NAGK: variants seen among roughly 807,000 people sequenced by gnomAD.
NAGK encodes N-acetyl-D-glucosamine kinase.
In NAGK, 35 loss-of-function variants were observed where a neutral mutation model predicts 42.9. That is an observed-to-expected ratio of 0.82 (90% confidence interval 0.62 to 1.08). The LOEUF is 1.08. Among genes scored for constraint, NAGK ranks in the 50% least tolerant of loss-of-function variants. NAGK has a pLI of 0.00. For synonymous variants in NAGK, 172 were observed against 176.0 expected, an observed-to-expected ratio of 0.98 and a Z score of 0.18; for missense variants, 446 against 446.0, an observed-to-expected ratio of 1.00 and a Z score of 0.00.
intron 7 of NAGK, 36 bp from the exon 8 acceptor site, chr2:71,076,568 C>G: frequency 2.0e-6 from 3 of 1,529,894 alleles, no homozygotes; most frequent in Non-Finnish European, 2.7e-6. Flanking sequence ...TCCCTCCTTT[C>G]TCACCAGTTT....
intron 1 of NAGK, chr2:71,069,516 G>T (rs572792893): frequency 6.6e-6 from 1 of 151,850 alleles, no homozygotes; most frequent in Non-Finnish European, 1.5e-5. Context: ...ACACCCCACT[G>T]CTGATTCACA....
At chr2:71,078,296 GT>G (rs770185281) in intron 9 of NAGK, 21 bp from the exon 10 acceptor site, 3 of 1,611,132 alleles carry the variant, frequency 1.9e-6, no homozygotes, top group Admixed American at 1.7e-5. Context: ...TCTTATCTCT[GT>G]CCTTGTGTTC....
At position 71,077,647 on chromosome 2, in the gene NAGK, G is replaced by T; in HGVS notation, c.844+11G>T. The T allele has an allele frequency of 1.3e-6, 2 of 1,598,388 alleles. No homozygotes were observed. The highest frequency in any genetic ancestry group is 1.7e-6 in the Non-Finnish European group (2 of 1,172,414). On this transcript the variant is annotated intron_variant, in intron 9 of 9. Coordinates refer to ENST00000244204, the MANE Select transcript of NAGK (RefSeq NM_017567.6). ...AGCTGCTGAAGGAAGGTGAGCCTGG[G>T]GGGAGGCTGGAAGGGCAAGGGCAGG...
intron 8 of NAGK, 154 bp from the exon 9 acceptor site, chr2:71,077,404 C>T: frequency 4.5e-6 from 3 of 672,032 alleles, no homozygotes; most frequent in South Asian, 3.9e-5. Flanking sequence ...TCCTATTTTC[C>T]TCCCTTTTTT....
At chr2:71,071,642 G>A in intron 3 of NAGK, 44 bp from the exon 4 acceptor site, 1 of 1,571,136 alleles carries the variant, frequency 6.4e-7, no homozygotes, top group South Asian at 1.1e-5. Flanking sequence ...GAAAAGAGCT[G>A]GGGCTGGGGC....
Position 71,078,791 on chromosome 2 carries a change from C to T in NAGK, c.*283C>T, listed in dbSNP as rs1449906403. On this transcript the variant is annotated 3_prime_UTR_variant, in exon 10 of 10. Coordinates refer to ENST00000244204, the MANE Select transcript of NAGK (RefSeq NM_017567.6). ...GTGATCTGTATCCACTCAGCATGCA[C>T]TTGGGCAGATGATTTGTCTGTGTGC... is the stretch of plus-strand genomic sequence containing the variant. 1 of 351,810 alleles carries T rather than the reference C, an allele frequency of 2.8e-6. No homozygotes were observed. Among genetic ancestry groups the T allele is most frequent in the Non-Finnish European group, 5.2e-6 (1 of 191,808 alleles). 21.8% of individuals were successfully genotyped at this position (351,810 alleles called of 1,614,324 possible).
At chr2:71,075,986 A>T (rs992887869) in intron 7 of NAGK, 1 of 319,424 alleles carries the variant, frequency 3.1e-6, no homozygotes, top group Non-Finnish European at 5.9e-6. Context: ...CTAGGGGATT[A>T]TAGAGAGGTT....
upstream of NAGK, chr2:71,068,489 G>T: frequency 7.1e-7 from 1 of 1,417,936 alleles, no homozygotes; most frequent in South Asian, 1.5e-5. Context: ...ACACCAGAAG[G>T]AAGACAGCCT....
At position 71,073,565 on chromosome 2, in the gene NAGK, G is replaced by C; in HGVS notation, c.550G>C (p.Val184Leu). 2 of 1,613,886 alleles carry C rather than the reference G, an allele frequency of 1.2e-6. No individual in the cohort carries two copies. Among genetic ancestry groups the C allele is most frequent in the African/African-American group, 1.3e-5 (1 of 75,000 alleles). Reference protein sequence around the residue: ...LEAAPHDIGYVKQAMFHYFQV... With the variant: ...LEAAPHDIGYLKQAMFHYFQV... ...GGCGGCTCCTCATGATATCGGCTAC[G>C]TCAAACAGGCCATGTTCCACTATTT... The change falls in exon 6 of 10, where the codon GTC becomes CTC. Residue 184 changes from valine to leucine, a missense_variant. By Grantham distance (32) the Val-to-Leu change is conservative. Transcript: ENST00000244204.
At chr2:71,076,457 C>T (rs1377720908) in intron 7 of NAGK, 147 bp from the exon 8 acceptor site, 9 of 614,232 alleles carry the variant, frequency 1.5e-5, no homozygotes, top group Non-Finnish European at 2.0e-5. Context: ...GCTTCTCCAC[C>T]TGCCACGAGG....
In NAGK at chr2:71,073,594, G is replaced by A. The variant is rs1672106692; in HGVS notation, c.579G>A (p.Gln193=). ...AACAGGCCATGTTCCACTATTTCCA[G>A]GTACTCCTCCTGCTCCCAGTAAACA... The part of the protein sequence containing the change: ...YVKQAMFHYF[Q]VPDRLGILTH... The change falls in exon 6 of 10, where the codon CAG becomes CAA. Residue 193 remains glutamine (Q), a splice_region_variant and synonymous_variant. Transcript: ENST00000244204. 6.2e-7 allele frequency: 1 copy of A among 1,608,690 alleles called. No homozygotes were observed. The highest frequency in any genetic ancestry group is 1.1e-5 in the South Asian group (1 of 90,960).
chr2:71,076,030 A>G, intron 7 of NAGK: 1 of 245,424 alleles, frequency 4.1e-6, no homozygotes, highest in Non-Finnish European at 8.0e-6. Context: ...GAGATGCTGA[A>G]CAGAGGGCTT....
intron 4 of NAGK, 152 bp from the exon 5 acceptor site, chr2:71,072,489 C>T: frequency 4.9e-6 from 3 of 612,300 alleles, no homozygotes; most frequent in South Asian, 1.9e-5. Flanking sequence ...CACCCTCAGG[C>T]AGGAAACTAG....
chr2:71,068,563 G>C (rs756560183), upstream of NAGK: 21 of 1,514,604 alleles, frequency 1.4e-5, no homozygotes, highest in Non-Finnish European at 1.8e-5. Context: ...CGCGCACAGG[G>C]AGTCAGCTGG....
chr2:71,072,936 T>C, intron 5 of NAGK, 185 bp downstream of exon 5: 1 of 664,226 alleles, frequency 1.5e-6, no homozygotes. Flanking sequence ...GACGAGCTGC[T>C]GACCCTGCTC....
At chr2:71,072,184 T>C in intron 4 of NAGK, 1 of 278,186 alleles carries the variant, frequency 3.6e-6, no homozygotes, top group Non-Finnish European at 6.9e-6. Flanking sequence ...GGATTGGTGT[T>C]TGAATCCCAG....
intron 6 of NAGK, among the ~76,000 whole-genome samples, chr2:71,074,391 A>G (rs1480362116): frequency 6.6e-6 from 1 of 152,128 alleles, no homozygotes; most frequent in Non-Finnish European, 1.5e-5. Flanking sequence ...CAGGAAGAGA[A>G]ATCACTTGAT....
rs375589182 is a variant in NAGK at position 71,079,736 on chromosome 2, C to G, written c.*1228C>G. ...GGTGGAGCTTGCAGTGAGCCGAGGTCGCACCACTGCACTCCAGCCTGGGCG... is the reference window on the plus strand; with the variant it reads ...GGTGGAGCTTGCAGTGAGCCGAGGTGGCACCACTGCACTCCAGCCTGGGCG... On this transcript the variant is annotated 3_prime_UTR_variant, in exon 10 of 10. Coordinates refer to ENST00000244204, the MANE Select transcript of NAGK (RefSeq NM_017567.6). 1.3e-5 allele frequency: 2 copies of G among 152,126 alleles called. No homozygotes were observed. The highest frequency in any genetic ancestry group is 3.9e-4 in the East Asian group (2 of 5,186). 9.4% of individuals were successfully genotyped at this position (152,126 alleles called of 1,614,324 possible). A position where few individuals can be genotyped will look rare whatever the true frequency, so the allele number is the denominator to read the frequency against.
At chr2:71,068,580 G>A, upstream of NAGK, 1 of 1,519,640 alleles carries the variant, frequency 6.6e-7, no homozygotes, top group Non-Finnish European at 8.8e-7. Context: ...CTGGCTGCGC[G>A]GGAGGTCACG....
Sources: gnomAD v4.1 joint callset for allele counts (sites outside exome capture counted in the v4.1 genomes callset) on GRCh38, gnomAD v4.1.1 for gene constraint, MANE v1.5 for transcripts, NCBI Gene and HGNC (gene_info 2026-07-23, HGNC 2026-07-21) for gene names.